MARCHF11: variants seen among roughly 807,000 people sequenced by gnomAD.
The protein encoded by MARCHF11 is E3 ubiquitin-protein ligase MARCHF11.
A neutral mutation model predicts 37.3 loss-of-function variants in MARCHF11; 29 were observed. The ratio of observed to expected loss-of-function variants is 0.78; its 90% CI spans 0.58 to 1.06. MARCHF11 has a LOEUF of 1.06. MARCHF11 is among the 50% of genes least tolerant of loss of function. The probability of loss-of-function intolerance (pLI) is 0.00; values close to 1 mark genes in which losing one functional copy is unlikely to be tolerated. For synonymous variants in MARCHF11, 233 were observed against 228.0 expected, an observed-to-expected ratio of 1.02 and a Z score of -0.20; for missense variants, 482 against 533.4, an observed-to-expected ratio of 0.90 and a Z score of 0.95.
Position 16,088,605 on chromosome 5 carries a change from T to G in MARCHF11, c.886+2284A>C, listed in dbSNP as rs10520835. ...GGGGCTGCAATCCAATTGGCTATTG[T>G]TAGACTAGGAGTATTTTGCTTTCTT... is the stretch of plus-strand genomic sequence containing the variant. On this transcript the variant is annotated intron_variant, in intron 3 of 3. Coordinates refer to ENST00000332432, the MANE Select transcript of MARCHF11 (RefSeq NM_001102562.3). 8.8e-3 allele frequency among the ~76,000 whole-genome samples: 1,347 copies of G among 152,330 alleles called. 16 individuals carry two copies. The highest frequency in any genetic ancestry group is 0.031 in the African/African-American group (1,273 of 41,570).
chr5:16,164,871 C>T (rs2126606473), intron 2 of MARCHF11, among the ~76,000 whole-genome samples: 1 of 152,166 alleles, frequency 6.6e-6, no homozygotes, highest in South Asian at 2.1e-4. Flanking sequence ...AGCATCCATG[C>T]TTCTACCCCT....
At chr5:16,105,032 T>TAG (rs2126566077) in intron 2 of MARCHF11, among the ~76,000 whole-genome samples, 1 of 152,346 alleles carries the variant, frequency 6.6e-6, no homozygotes, top group Non-Finnish European at 1.5e-5. Flanking sequence ...ACTGATAACT[T>TAG]CTCTGAGTAA....
chr5:16,156,958 C>A (rs1318729786), intron 2 of MARCHF11, among the ~76,000 whole-genome samples: 1 of 151,836 alleles, frequency 6.6e-6, no homozygotes, highest in African/African-American at 2.4e-5. Flanking sequence ...TTGATGGAAA[C>A]CTTGCTAGGT....
intron 2 of MARCHF11, among the ~76,000 whole-genome samples, chr5:16,175,544 T>G (rs1738341914): frequency 6.6e-6 from 1 of 152,218 alleles, no homozygotes; most frequent in South Asian, 2.1e-4. Flanking sequence ...TTAACTTTAC[T>G]GTGCCTCAGT....
At chr5:16,145,681 A>G (rs1285181728) in intron 2 of MARCHF11, among the ~76,000 whole-genome samples, 1 of 152,192 alleles carries the variant, frequency 6.6e-6, no homozygotes, top group Non-Finnish European at 1.5e-5. Flanking sequence ...ATAGAAGTGG[A>G]TTCTGGAAAA....
chr5:16,165,696 C>G (rs1738156587), intron 2 of MARCHF11, among the ~76,000 whole-genome samples: 1 of 152,044 alleles, frequency 6.6e-6, no homozygotes, highest in Non-Finnish European at 1.5e-5. Flanking sequence ...CACATCATAT[C>G]AGGGGCAGAT....
rs142513855 is a variant in MARCHF11, at chr5:16,093,226, G to A, written c.694-2145C>T. 2.8e-3 allele frequency among the ~76,000 whole-genome samples: 425 copies of A among 152,210 alleles called. 5 individuals are homozygous for A. The highest frequency in any genetic ancestry group is 9.3e-3 in the African/African-American group (385 of 41,524). On this transcript the variant is annotated intron_variant, in intron 2 of 3. Coordinates refer to ENST00000332432, the MANE Select transcript of MARCHF11 (RefSeq NM_001102562.3). ...ACTGGAGGAGTCCTAGGTAACCAAA[G>A]GGGAGTAACAAGGATTCACCAAGAA...
chr5:16,114,721 C>T (rs1280818852), intron 2 of MARCHF11, among the ~76,000 whole-genome samples: 1 of 151,836 alleles, frequency 6.6e-6, no homozygotes, highest in Non-Finnish European at 1.5e-5. Context: ...AACGCCTGAG[C>T]TCAAACGATC....
At chr5:16,086,201 T>C (rs995943971) in intron 3 of MARCHF11, among the ~76,000 whole-genome samples, 1 of 152,072 alleles carries the variant, frequency 6.6e-6, no homozygotes, top group African/African-American at 2.4e-5. Flanking sequence ...CTCAACACCA[T>C]GTACAGTATG....
At chr5:16,118,056 G>A (rs1737249276) in intron 2 of MARCHF11, among the ~76,000 whole-genome samples, 1 of 152,208 alleles carries the variant, frequency 6.6e-6, no homozygotes, top group Non-Finnish European at 1.5e-5. Context: ...CTAAAAGATG[G>A]GTAAGAATTC....
At position 16,102,496 on chromosome 5, in the gene MARCHF11, C is replaced by T. The variant is rs553444712; in HGVS notation, c.694-11415G>A. ...CCCCAGACCCCAGACTCAACACACA[C>T]GCACAGAAGAGAGAAGTGTCTGAAT... On this transcript the variant is annotated intron_variant, in intron 2 of 3. Transcript: ENST00000332432. 6.3e-4 allele frequency among the ~76,000 whole-genome samples: 96 copies of T among 152,312 alleles called. 1 individual carries two copies. In the South Asian group the frequency reaches 0.013, roughly 21 times the overall value.
In MARCHF11 at chr5:16,067,542, T is replaced by C. The variant is rs774428069; in HGVS notation, c.1138A>G (p.Met380Val). ...TCTGATAAGTCTTCATGGGGCCTCA[T>C]CCGATTGAACAGGTGCAATAACACA... ...GYVLLHLFNRMRPHEDLSEDN... is the reference protein window; with the variant it reads ...GYVLLHLFNRVRPHEDLSEDN... The change falls in exon 4 of 4, where the codon ATG (methionine) becomes GTG (valine). Residue 380 changes from methionine to valine, a missense_variant. Physicochemically the swap from Met to Val is conservative, Grantham distance 21. Transcript: ENST00000332432. 2.5e-6 allele frequency: 4 copies of C among 1,613,926 alleles called. No homozygotes were observed. The highest frequency in any genetic ancestry group is 3.4e-6 in the Non-Finnish European group (4 of 1,179,844).
intron 2 of MARCHF11, among the ~76,000 whole-genome samples, chr5:16,102,152 G>A (rs1196484926): frequency 1.3e-5 from 2 of 152,224 alleles, no homozygotes; most frequent in Non-Finnish European, 2.9e-5. Flanking sequence ...TCTGAGGAAT[G>A]AAACAATGGC....
At chr5:16,150,124 T>C (rs766967001) in intron 2 of MARCHF11, among the ~76,000 whole-genome samples, 1 of 149,450 alleles carries the variant, frequency 6.7e-6, no homozygotes, top group Non-Finnish European at 1.5e-5. Flanking sequence ...AAAAGATTTA[T>C]CAAGTTATAC....
At position 16,145,986 on chromosome 5, in the gene MARCHF11, C is replaced by T. The variant is rs145400815; in HGVS notation, c.693+31740G>A. The stretch of plus-strand genomic sequence containing the variant: ...AATCCCTTATGGCCAATGTAAACAC[C>T]GCCCCCAACACTCACAAATTCCATA... On this transcript the variant is annotated intron_variant, in intron 2 of 3. Transcript: ENST00000332432. 1.5e-3 allele frequency among the ~76,000 whole-genome samples: 235 copies of T among 152,206 alleles called. 1 individual carries two copies. The highest frequency in any genetic ancestry group is 5.4e-3 in the African/African-American group (224 of 41,548).
chr5:16,162,385 AC>A (rs1738096027), intron 2 of MARCHF11, among the ~76,000 whole-genome samples: 1 of 152,008 alleles, frequency 6.6e-6, no homozygotes, highest in African/African-American at 2.4e-5. Flanking sequence ...GAAAACTAAA[AC>A]CCAAAGTGAA....
At chr5:16,113,452 G>A (rs148326001) in intron 2 of MARCHF11, among the ~76,000 whole-genome samples, 5 of 152,232 alleles carry the variant, frequency 3.3e-5, no homozygotes, top group South Asian at 4.1e-4. Flanking sequence ...ATTATTGTTC[G>A]ACTTTAAAAA....
At chr5:16,127,722 T>C (rs1034901484) in intron 2 of MARCHF11, among the ~76,000 whole-genome samples, 9 of 152,184 alleles carry the variant, frequency 5.9e-5, no homozygotes, top group Non-Finnish European at 1.3e-4. Flanking sequence ...GGCACATGCC[T>C]AGTATGTTGT....
At chr5:16,103,112 A>AC (rs1334376079) in intron 2 of MARCHF11, among the ~76,000 whole-genome samples, 1 of 74,248 alleles carries the variant, frequency 1.3e-5, no homozygotes, top group Non-Finnish European at 3.0e-5. Context: ...GCCCAGGCAG[A>AC]AAAAAAAAAA....
Sources: allele counts gnomAD v4.1 joint callset (sites outside exome capture counted in the v4.1 genomes callset), GRCh38; gene constraint gnomAD v4.1.1; transcripts MANE v1.5; gene names NCBI Gene and HGNC (gene_info 2026-07-23, HGNC 2026-07-21).